EXT1: variants seen among roughly 807,000 people sequenced by gnomAD.
EXT1 encodes exostosin glycosyltransferase 1, also known as exostosin-1.
A neutral mutation model predicts 82.5 loss-of-function variants in EXT1; 20 were observed. That is an observed-to-expected ratio of 0.24 (90% CI 0.17 to 0.35). EXT1 has a LOEUF of 0.35. Among genes scored for constraint, EXT1 ranks in the 10% least tolerant of loss-of-function variants. EXT1 has a pLI of 1.00. For missense variants in EXT1, 757 were observed against 936.5 expected (o/e 0.81, Z 2.50); for synonymous variants, 348 against 350.8 (o/e 0.99, Z 0.09).
intron 1 of EXT1, among the ~76,000 whole-genome samples, chr8:117,881,811 A>G (rs893545384): frequency 2.0e-5 from 3 of 152,068 alleles, no homozygotes; most frequent in African/African-American, 7.2e-5. Flanking sequence ...GTGATGAGCT[A>G]CCCTGAAAAG....
chr8:118,102,470 C>G (rs1359935641), intron 1 of EXT1, among the ~76,000 whole-genome samples: 1 of 152,016 alleles, frequency 6.6e-6, no homozygotes, highest in Non-Finnish European at 1.5e-5. Context: ...CTGACTTCAA[C>G]TTTACAAAAC....
chr8:117,965,687 A>C (rs1242517212), intron 1 of EXT1, among the ~76,000 whole-genome samples: 1 of 152,198 alleles, frequency 6.6e-6, no homozygotes, highest in Non-Finnish European at 1.5e-5. Context: ...ATTGTCAGCT[A>C]TGTAACAGGC....
intron 1 of EXT1, among the ~76,000 whole-genome samples, chr8:117,903,873 T>C (rs1006753496): frequency 6.6e-6 from 1 of 152,240 alleles, no homozygotes; most frequent in African/African-American, 2.4e-5. Flanking sequence ...AAGGATGTTC[T>C]AATGGCAGAA....
At chr8:117,920,410 A>T (rs1375453609) in intron 1 of EXT1, among the ~76,000 whole-genome samples, 1 of 152,118 alleles carries the variant, frequency 6.6e-6, no homozygotes, top group African/African-American at 2.4e-5. Context: ...CCCAATTTTT[A>T]AATTTTTTAA....
intron 7 of EXT1, among the ~76,000 whole-genome samples, chr8:117,813,331 G>C (rs761150996): frequency 1.1e-5 from 1 of 91,924 alleles, no homozygotes; most frequent in Non-Finnish European, 2.4e-5. Context: ...GGAAGAGCAG[G>C]TGAAGGCCTC....
chr8:118,012,320 G>A (rs1231825802), intron 1 of EXT1, among the ~76,000 whole-genome samples: 4 of 152,210 alleles, frequency 2.6e-5, no homozygotes, highest in Non-Finnish European at 5.9e-5. Context: ...CGGGGCTAAG[G>A]CCTAATTCCC....
At chr8:117,856,569 G>A (rs542583532) in intron 1 of EXT1, among the ~76,000 whole-genome samples, 15 of 150,648 alleles carry the variant, frequency 1.0e-4, no homozygotes, top group African/African-American at 3.6e-4. Flanking sequence ...CCTGGCCAAG[G>A]CTTTTTCAAT....
At chr8:117,898,950 C>A (rs1813393558) in intron 1 of EXT1, among the ~76,000 whole-genome samples, 1 of 152,078 alleles carries the variant, frequency 6.6e-6, no homozygotes, top group Non-Finnish European at 1.5e-5. Context: ...ACACTGACCC[C>A]CAAATGCTTC....
At position 117,980,694 on chromosome 8, in the gene EXT1, GGTGGTTTTTTTTTTTTTT is replaced by G. The variant is rs1207150917; in HGVS notation, c.962+129373_962+129390del. 1.2e-4 allele frequency among the ~76,000 whole-genome samples: 15 copies of G among 123,406 alleles called. 1 individual carries two copies. Among genetic ancestry groups the G allele is most frequent in the African/African-American group, 2.8e-4 (10 of 35,616 alleles). The allele number at this position is 123,406 out of a possible 152,430, so 81.0% of individuals were successfully genotyped here. ...GGGAAGGTTTGTTTGTTCGGGTGTT[GGTGGTTTTTTTTTTTTTT>G]TTTTTTTTTTTTTTTTTTTCCAGTG... On this transcript the variant is annotated intron_variant, in intron 1 of 10. Coordinates refer to ENST00000378204, the MANE Select transcript of EXT1 (RefSeq NM_000127.3).
At chr8:117,889,383 C>G (rs1244368458) in intron 1 of EXT1, among the ~76,000 whole-genome samples, 3 of 152,192 alleles carry the variant, frequency 2.0e-5, no homozygotes, top group Non-Finnish European at 4.4e-5. Flanking sequence ...AAAACACATT[C>G]AACAAATTTA....
intron 1 of EXT1, among the ~76,000 whole-genome samples, chr8:118,106,974 CAAGAG>C (rs1287156653): frequency 4.6e-5 from 7 of 152,170 alleles, no homozygotes; most frequent in Admixed American, 4.6e-4. Flanking sequence ...CTCTCTATTA[CAAGAG>C]AAAAGTATTT....
intron 1 of EXT1, among the ~76,000 whole-genome samples, 165 bp downstream of exon 1, chr8:118,109,920 A>C (rs550631348): frequency 1.3e-5 from 2 of 152,280 alleles, no homozygotes; most frequent in South Asian, 4.1e-4. Context: ...CTCTGTCCCC[A>C]GCCTCTAGCT....
At chr8:118,056,060 T>C (rs963109632) in intron 1 of EXT1, among the ~76,000 whole-genome samples, 3 of 146,120 alleles carry the variant, frequency 2.1e-5, no homozygotes, top group African/African-American at 5.0e-5. Context: ...ACACTTGTGA[T>C]AGCTGATGAG....
intron 1 of EXT1, among the ~76,000 whole-genome samples, chr8:118,028,164 G>A (rs1312180122): frequency 2.0e-5 from 3 of 152,314 alleles, no homozygotes; most frequent in East Asian, 3.9e-4. Flanking sequence ...CCTACAACAC[G>A]GGACAGATGG....
chr8:117,948,787 G>C (rs1001459609), intron 1 of EXT1, among the ~76,000 whole-genome samples: 1 of 152,124 alleles, frequency 6.6e-6, no homozygotes, highest in Admixed American at 6.5e-5. Context: ...ATTTGTCTTG[G>C]TCTTCATTTT....
chr8:118,096,643 G>T (rs1164739926), intron 1 of EXT1, among the ~76,000 whole-genome samples: 1 of 32,332 alleles, frequency 3.1e-5, no homozygotes, highest in Non-Finnish European at 9.2e-5. Flanking sequence ...AGGAAGGAAG[G>T]AAGGAAGGAA....
chr8:117,830,328 T>A lies in EXT1; in HGVS notation c.1186A>T (p.Ile396Phe), dbSNP rs749048200. Residue 396 changes from isoleucine (I) to phenylalanine (F), a missense_variant, in exon 4 of 11, where the codon ATT (isoleucine) becomes TTT (phenylalanine). Ile to Phe is a conservative substitution (Grantham distance 21, BLOSUM62 0). Coordinates refer to ENST00000378204, the MANE Select transcript of EXT1 (RefSeq NM_000127.3). ...LLQIPSTIRS[I>F]HQDKILALRQ... The stretch of plus-strand genomic sequence containing the variant: ...AGTGCTAGGATTTTATCCTGATGAA[T>A]AGACCTGATTGTAGAAGGAATCTGT... The A allele has an allele frequency of 6.2e-7, 1 of 1,614,102 alleles. No individual in the cohort carries two copies. The highest frequency in any genetic ancestry group is 8.5e-7 in the Non-Finnish European group (1 of 1,179,988).
chr8:117,901,950 G>A (rs528572808), intron 1 of EXT1, among the ~76,000 whole-genome samples: 1 of 151,966 alleles, frequency 6.6e-6, no homozygotes, highest in South Asian at 2.1e-4. Context: ...CACCTGCTTT[G>A]GCCTCTCAAA....
chr8:118,066,077 A>G (rs1816980835), intron 1 of EXT1, among the ~76,000 whole-genome samples: 1 of 152,212 alleles, frequency 6.6e-6, no homozygotes, highest in South Asian at 2.1e-4. Context: ...CTGTAGAGAT[A>G]TGAGTTAATC....
Sources: gnomAD v4.1 joint callset for allele counts (sites outside exome capture counted in the v4.1 genomes callset) on GRCh38, gnomAD v4.1.1 for gene constraint, MANE v1.5 for transcripts, NCBI Gene and HGNC (gene_info 2026-07-23, HGNC 2026-07-21) for gene names.